The following LRRC4C variants were observed in gnomAD, a reference collection of about 807,000 sequenced individuals.
LRRC4C encodes leucine-rich repeat-containing protein 4C.
LRRC4C carries 5 observed loss-of-function variants against 33.6 expected under a neutral mutation model. The ratio of observed to expected loss-of-function variants is 0.15; its 90% CI spans 0.08 to 0.31. The LOEUF (loss-of-function observed/expected upper bound fraction) is 0.31. Ranked by LOEUF, LRRC4C falls within the 10% of genes least tolerant of loss-of-function variation. The probability of loss-of-function intolerance (pLI) is 1.00; values close to 1 mark genes in which losing one functional copy is unlikely to be tolerated. For synonymous variants in LRRC4C, 329 were observed against 302.0 expected (o/e 1.09, Z -0.93); for missense variants, 560 against 796.7 (o/e 0.70, Z 3.58).
intron 1 of LRRC4C, among the ~76,000 whole-genome samples, chr11:41,159,818 C>T (rs746892022): frequency 7.9e-5 from 12 of 152,044 alleles, no homozygotes; most frequent in East Asian, 1.9e-4. Context: ...AAAACAATGC[C>T]GCACCTAGTC....
intron 3 of LRRC4C, among the ~76,000 whole-genome samples, chr11:40,320,321 CG>C (rs1333667778): frequency 6.6e-6 from 1 of 151,924 alleles, no homozygotes; most frequent in Non-Finnish European, 1.5e-5. Context: ...CTGTCTAACA[CG>C]GTGAAACCCC....
At chr11:41,457,513 T>G (rs1956207327) in intron 1 of LRRC4C, among the ~76,000 whole-genome samples, 1 of 152,180 alleles carries the variant, frequency 6.6e-6, no homozygotes, top group African/African-American at 2.4e-5. Flanking sequence ...TGTTTCTTAT[T>G]CATATATTAT....
intron 5 of LRRC4C, among the ~76,000 whole-genome samples, chr11:40,237,769 T>C (rs1339720368): frequency 6.6e-6 from 1 of 152,172 alleles, no homozygotes; most frequent in Non-Finnish European, 1.5e-5. Context: ...GAGTATTGCC[T>C]GGAATTTGGA....
intron 3 of LRRC4C, among the ~76,000 whole-genome samples, chr11:40,469,099 G>A (rs573873599): frequency 6.6e-6 from 1 of 152,340 alleles, no homozygotes; most frequent in East Asian, 1.9e-4. Context: ...CAAGATGGCT[G>A]AATAGGAACA....
At chr11:41,387,914 G>A (rs1331289578) in intron 1 of LRRC4C, among the ~76,000 whole-genome samples, 2 of 151,724 alleles carry the variant, frequency 1.3e-5, no homozygotes, top group East Asian at 1.9e-4. Context: ...TGCAAGATTT[G>A]ACACATTTAG....
intron 3 of LRRC4C, among the ~76,000 whole-genome samples, chr11:40,551,194 G>T (rs2135446183): frequency 2.0e-5 from 3 of 151,882 alleles, no homozygotes; most frequent in Middle Eastern, 3.4e-3. Flanking sequence ...AAGAGCTATG[G>T]TTAAATGGCT....
At chr11:41,140,050 G>A (rs1392936857) in intron 1 of LRRC4C, among the ~76,000 whole-genome samples, 1 of 152,176 alleles carries the variant, frequency 6.6e-6, no homozygotes, top group East Asian at 1.9e-4. Flanking sequence ...AAACAAAGTG[G>A]AATTTGAATG....
chr11:40,860,947 T>C (rs931777258), intron 2 of LRRC4C, among the ~76,000 whole-genome samples: 5 of 137,852 alleles, frequency 3.6e-5, no homozygotes, highest in Non-Finnish European at 7.5e-5. Context: ...AGATATTAAA[T>C]GCCACTGAAC....
At chr11:40,857,729 G>T (rs1203462871) in intron 2 of LRRC4C, among the ~76,000 whole-genome samples, 1 of 152,008 alleles carries the variant, frequency 6.6e-6, no homozygotes, top group Non-Finnish European at 1.5e-5. Context: ...AACCTAGGCA[G>T]CATGGCAAAT....
At chr11:40,162,938 T>C (rs1478264214) in intron 5 of LRRC4C, among the ~76,000 whole-genome samples, 6 of 152,206 alleles carry the variant, frequency 3.9e-5, no homozygotes, top group African/African-American at 1.4e-4. Context: ...ATGTTCTCAT[T>C]TGCCATCTCA....
At chr11:40,621,909 A>G (rs1233001335) in intron 3 of LRRC4C, among the ~76,000 whole-genome samples, 3 of 151,854 alleles carry the variant, frequency 2.0e-5, no homozygotes, top group African/African-American at 2.4e-5. Context: ...ATTCAGAAAA[A>G]CTGAGAAGTT....
At chr11:40,720,219 C>T (rs1281140475) in intron 2 of LRRC4C, among the ~76,000 whole-genome samples, 1 of 152,180 alleles carries the variant, frequency 6.6e-6, no homozygotes, top group African/African-American at 2.4e-5. Flanking sequence ...AATTACAAAG[C>T]TCAGGCTCTC....
At chr11:40,676,688 AT>A (rs1210385901) in intron 2 of LRRC4C, among the ~76,000 whole-genome samples, 1 of 152,138 alleles carries the variant, frequency 6.6e-6, no homozygotes, top group Non-Finnish European at 1.5e-5. Flanking sequence ...TATTTATCCA[AT>A]TTTGATAATC....
At chr11:40,720,768 C>T (rs1021596839) in intron 2 of LRRC4C, among the ~76,000 whole-genome samples, 1 of 152,162 alleles carries the variant, frequency 6.6e-6, no homozygotes, top group African/African-American at 2.4e-5. Context: ...TAAAGATACG[C>T]CTTCTGTTTA....
At chr11:41,004,372 G>C (rs1375295326) in intron 1 of LRRC4C, among the ~76,000 whole-genome samples, 1 of 152,084 alleles carries the variant, frequency 6.6e-6, no homozygotes, top group Non-Finnish European at 1.5e-5. Flanking sequence ...TTGGTAGGAA[G>C]TACATCAACA....
At chr11:41,393,750 T>G (rs1417578607) in intron 1 of LRRC4C, among the ~76,000 whole-genome samples, 1 of 151,970 alleles carries the variant, frequency 6.6e-6, no homozygotes, top group Non-Finnish European at 1.5e-5. Flanking sequence ...CATTTATACT[T>G]TATGCTACAG....
At chr11:40,352,622 A>G (rs959674918) in intron 3 of LRRC4C, among the ~76,000 whole-genome samples, 1 of 150,100 alleles carries the variant, frequency 6.7e-6, no homozygotes, top group African/African-American at 2.4e-5. Context: ...TTTGCACACC[A>G]CAATTACAGT....
intron 3 of LRRC4C, among the ~76,000 whole-genome samples, chr11:40,413,411 A>C (rs1361464484): frequency 6.6e-6 from 1 of 152,096 alleles, no homozygotes; most frequent in Non-Finnish European, 1.5e-5. Context: ...CTCTCTGCTT[A>C]ACATTCTCAT....
chr11:40,185,387 A>G (rs1565103972), intron 5 of LRRC4C, among the ~76,000 whole-genome samples: 2 of 152,130 alleles, frequency 1.3e-5, no homozygotes, highest in Non-Finnish European at 2.9e-5. Context: ...CAAGAGCCCA[A>G]GAAACTCCTC....
Sources: allele counts gnomAD v4.1 joint callset (sites outside exome capture counted in the v4.1 genomes callset), GRCh38; gene constraint gnomAD v4.1.1; transcripts MANE v1.5; gene names NCBI Gene and HGNC (gene_info 2026-07-23, HGNC 2026-07-21).